CCDC141: variants seen among roughly 807,000 people sequenced by gnomAD.
The protein encoded by CCDC141 is coiled-coil domain containing 141.
A neutral mutation model predicts 181.0 loss-of-function variants in CCDC141; 168 were observed. The ratio of observed to expected loss-of-function variants is 0.93; its 90% CI spans 0.82 to 1.05. CCDC141 has a LOEUF of 1.05. CCDC141 is among the 50% of genes least tolerant of loss of function. The pLI is 0.00. For synonymous variants in CCDC141, 666 were observed against 642.3 expected (o/e 1.04, Z -0.56); for missense variants, 1,902 against 1,788.5 (o/e 1.06, Z -1.14).
intron 2 of CCDC141, among the ~76,000 whole-genome samples, chr2:179,035,867 C>A (rs2043131170): frequency 6.6e-6 from 1 of 152,232 alleles, no homozygotes; most frequent in Non-Finnish European, 1.5e-5. Context: ...ATAGATCCCA[C>A]TTCTCAGGAG....
At chr2:179,029,266 C>T (rs1233590741) in intron 2 of CCDC141, among the ~76,000 whole-genome samples, 1 of 152,174 alleles carries the variant, frequency 6.6e-6, no homozygotes, top group East Asian at 1.9e-4. Flanking sequence ...CATATATTAT[C>T]TTGCCATGAT....
At chr2:179,016,203 T>A in intron 2 of CCDC141, among the ~76,000 whole-genome samples, 2 of 125,926 alleles carry the variant, frequency 1.6e-5, no homozygotes, top group African/African-American at 2.9e-5. Context: ...GGGGGAAGAG[T>A]GAGGGGGGTG....
Position 178,830,771 on chromosome 2 carries a change from C to T in CCDC141, c.*3402G>A, listed in dbSNP as rs907809894. ...GGACTTGATGGGTCAGGAGGCTTCC[C>T]AGGGGAAGTTGTGTCTCAGCAGAAC... On this transcript the variant is annotated 3_prime_UTR_variant, in exon 24 of 24. Transcript: ENST00000443758. 6.6e-6 allele frequency: 1 copy of T among 152,298 alleles called. No homozygotes were observed. The highest frequency in any genetic ancestry group is 2.4e-5 in the African/African-American group (1 of 41,444). 9.4% of individuals were successfully genotyped at this position (152,298 alleles called of 1,614,324 possible).
chr2:179,015,101 TATA>T lies in CCDC141; in HGVS notation c.225+32180_225+32182del, dbSNP rs1358928962. Among the ~76,000 whole-genome samples the T allele has an allele frequency of 1.4e-3, 52 of 36,402 alleles. 1 individual carries two copies. The highest frequency in any genetic ancestry group is 2.7e-3 in the Non-Finnish European group (36 of 13,368). The allele number at this position is 36,402 out of a possible 152,430, so 23.9% of individuals were successfully genotyped here. ...ATATATATATATATATATATATATATATAATATATATATAATCATATATATATA... is the reference window on the plus strand; with the variant it reads ...ATATATATATATATATATATATATATATATATATATAATCATATATATATA... On this transcript the variant is annotated intron_variant, in intron 2 of 23. Transcript: ENST00000443758.
intron 5 of CCDC141, among the ~76,000 whole-genome samples, chr2:178,954,812 CA>C (rs200345391): frequency 8.7e-5 from 12 of 137,158 alleles, no homozygotes; most frequent in East Asian, 2.0e-4. Context: ...ACAGAACTGA[CA>C]AAAAAAAAAC....
At chr2:179,048,975 A>G (rs904452601) in intron 1 of CCDC141, among the ~76,000 whole-genome samples, 2 of 152,186 alleles carry the variant, frequency 1.3e-5, no homozygotes, top group Non-Finnish European at 2.9e-5. Context: ...GGGGACCTGA[A>G]AGTAACTGGT....
rs543699266 is a variant in CCDC141 at position 178,833,465 on chromosome 2, G to C, written c.*708C>G. ...CATTGCTGCTCAAAACACATCAATA[G>C]AATGTCAGGAATAACGTTGGTTCTT... On this transcript the variant is annotated 3_prime_UTR_variant, in exon 24 of 24. Coordinates refer to ENST00000443758, the MANE Select transcript of CCDC141 (RefSeq NM_173648.4). 2 of 152,200 alleles carry C rather than the reference G, an allele frequency of 1.3e-5. No individual in the cohort carries two copies. The highest frequency in any genetic ancestry group is 2.9e-5 in the Non-Finnish European group (2 of 68,050). 9.4% of individuals were successfully genotyped at this position (152,200 alleles called of 1,614,324 possible). A position where few individuals can be genotyped will look rare whatever the true frequency, so the allele number is the denominator to read the frequency against.
chr2:179,034,731 G>C (rs1202732351), intron 2 of CCDC141, among the ~76,000 whole-genome samples: 1 of 152,094 alleles, frequency 6.6e-6, no homozygotes, highest in Non-Finnish European at 1.5e-5. Context: ...TTGATATTTT[G>C]AATTCATAAT....
intron 11 of CCDC141, among the ~76,000 whole-genome samples, chr2:178,881,614 C>T (rs576772650): frequency 1.1e-4 from 17 of 151,972 alleles, no homozygotes; most frequent in African/African-American, 2.9e-4. Flanking sequence ...AGGAATAAAG[C>T]GAATTGCAGT....
intron 2 of CCDC141, among the ~76,000 whole-genome samples, chr2:179,004,899 T>TTTTTGTA (rs1559041875): frequency 6.6e-6 from 1 of 152,102 alleles, no homozygotes; most frequent in African/African-American, 2.4e-5. Flanking sequence ...GCCTGACTAA[T>TTTTTGTA]TTTTGTATTT....
At chr2:178,889,993 C>T (rs901788678) in intron 8 of CCDC141, among the ~76,000 whole-genome samples, 2 of 152,102 alleles carry the variant, frequency 1.3e-5, no homozygotes, top group South Asian at 4.1e-4. Flanking sequence ...AGGCTTTAGA[C>T]TTTGAAATAT....
intron 20 of CCDC141, among the ~76,000 whole-genome samples, chr2:178,851,771 T>C (rs1685174347): frequency 6.6e-6 from 1 of 152,228 alleles, no homozygotes; most frequent in African/African-American, 2.4e-5. Context: ...CTTCAAGGAC[T>C]AGACTGTGGT....
intron 2 of CCDC141, among the ~76,000 whole-genome samples, chr2:179,045,581 C>T (rs974373997): frequency 4.6e-5 from 7 of 151,736 alleles, no homozygotes; most frequent in African/African-American, 7.3e-5. Flanking sequence ...CCTGAGGAGT[C>T]GCCACGCTGA....
intron 2 of CCDC141, among the ~76,000 whole-genome samples, chr2:179,037,839 A>G (rs971354655): frequency 6.6e-6 from 1 of 152,250 alleles, no homozygotes; most frequent in South Asian, 2.1e-4. Context: ...CTTTTTAAAA[A>G]AGAAACAAAC....
At position 178,884,897 on chromosome 2, in the gene CCDC141, A is replaced by G. The variant is rs1463810647; in HGVS notation, c.1719+4T>C. ...CTGAAGAAGGTTAACACATAGTACC[A>G]TACCTCCTCTGATGACTTCAGAAAT... On this transcript the variant is annotated splice_donor_region_variant and intron_variant, in intron 11 of 23. Coordinates refer to ENST00000443758, the MANE Select transcript of CCDC141 (RefSeq NM_173648.4). The G allele has an allele frequency of 1.9e-6, 3 of 1,549,728 alleles. No individual in the cohort carries two copies. Among genetic ancestry groups the G allele is most frequent in the Non-Finnish European group, 1.7e-6 (2 of 1,146,440 alleles).
chr2:178,854,444 A>G (rs1200346292), intron 19 of CCDC141, among the ~76,000 whole-genome samples: 1 of 152,168 alleles, frequency 6.6e-6, no homozygotes, highest in African/African-American at 2.4e-5. Context: ...GAATGGTGTG[A>G]ACCCGGGAGG....
intron 2 of CCDC141, among the ~76,000 whole-genome samples, chr2:179,025,870 A>T (rs2042828989): frequency 6.6e-6 from 1 of 151,844 alleles, no homozygotes; most frequent in African/African-American, 2.4e-5. Context: ...ATGAGAACTT[A>T]TTGTGTTTTA....
At chr2:178,915,721 A>G (rs73973186) in intron 7 of CCDC141, 24,237 of 152,196 alleles carry the variant, frequency 0.16, 2,325 homozygotes, top group African/African-American at 0.26. Flanking sequence ...TAGGTCAAGA[A>G]TACAAGACTC....
chr2:178,960,672 C>G (rs985278487), intron 5 of CCDC141, among the ~76,000 whole-genome samples: 4 of 152,132 alleles, frequency 2.6e-5, no homozygotes, highest in Non-Finnish European at 4.4e-5. Flanking sequence ...CAGAAATGTG[C>G]CTGCAGCCTG....
Sources: gnomAD v4.1 joint callset for allele counts (sites outside exome capture counted in the v4.1 genomes callset) on GRCh38, gnomAD v4.1.1 for gene constraint, MANE v1.5 for transcripts, NCBI Gene and HGNC (gene_info 2026-07-23, HGNC 2026-07-21) for gene names.